PSMD4: variants seen among roughly 807,000 people sequenced by gnomAD.
PSMD4 encodes the protein 26S proteasome non-ATPase regulatory subunit 4.
A neutral mutation model predicts 39.7 loss-of-function variants in PSMD4; 5 were observed. The ratio of observed to expected loss-of-function variants is 0.13; its 90% confidence interval spans 0.07 to 0.26. The LOEUF (loss-of-function observed/expected upper bound fraction) is 0.26. Ranked by LOEUF, PSMD4 falls within the 10% of genes least tolerant of loss-of-function variation. The pLI is 1.00. For missense variants in PSMD4, 272 were observed against 486.1 expected (o/e 0.56, Z 4.14); for synonymous variants, 143 against 174.6 (o/e 0.82, Z 1.43).
chr1:151,262,558 A>C, intron 2 of PSMD4: 1 of 451,002 alleles, frequency 2.2e-6, no homozygotes, highest in Non-Finnish European at 4.0e-6. Context: ...GTGAAATTTC[A>C]TAATATATTT....
chr1:151,256,883 G>A (rs903397372), intron 1 of PSMD4, among the ~76,000 whole-genome samples: 3 of 152,000 alleles, frequency 2.0e-5, no homozygotes, highest in Non-Finnish European at 4.4e-5. Context: ...CTTAGTAGCT[G>A]GGATTACAGG....
intron 1 of PSMD4, among the ~76,000 whole-genome samples, chr1:151,256,307 G>A (rs587681390): frequency 3.5e-5 from 5 of 142,736 alleles, no homozygotes; most frequent in African/African-American, 1.3e-4. Flanking sequence ...TGGCGCCACT[G>A]CACTCTAGCC....
In PSMD4 at chr1:151,254,766, G is replaced by A; in HGVS notation, c.-17G>A. The stretch of plus-strand genomic sequence containing the variant: ...GGCCGTCCCGGAGACCCGGTCGGGA[G>A]GGAGGAAGGTGGCAAGATGGTGTTG... On this transcript the variant is annotated 5_prime_UTR_variant, in exon 1 of 10. Transcript: ENST00000368884. The A allele has an allele frequency of 6.4e-7, 1 of 1,561,426 alleles. No homozygotes were observed. The highest frequency in any genetic ancestry group is 8.7e-7 in the Non-Finnish European group (1 of 1,154,138).
At chr1:151,265,718 C>A in intron 6 of PSMD4, 109 bp downstream of exon 6, 2 of 1,222,288 alleles carry the variant, frequency 1.6e-6, no homozygotes, top group South Asian at 1.4e-5. Context: ...CACTACCAAT[C>A]ACTCATTTTC....
At chr1:151,263,131 T>C (rs1303541551) in intron 2 of PSMD4, among the ~76,000 whole-genome samples, 1 of 152,204 alleles carries the variant, frequency 6.6e-6, no homozygotes, top group Non-Finnish European at 1.5e-5. Flanking sequence ...ACTTAATTAT[T>C]TCTGTGCTTG....
intron 1 of PSMD4, among the ~76,000 whole-genome samples, chr1:151,255,936 T>C (rs1693154902): frequency 6.6e-6 from 1 of 152,150 alleles, no homozygotes; most frequent in Non-Finnish European, 1.5e-5. Flanking sequence ...GTAATAGCCA[T>C]TCTGACTGGT....
chr1:151,264,443 C>A lies in PSMD4; in HGVS notation c.283-389C>A, dbSNP rs141418429. ...TCACCTGACGTCACGAGTTCGAGAC[C>A]AATCTGGCCAACGTGGTGAAACCCC... On this transcript the variant is annotated intron_variant, in intron 3 of 9. Coordinates refer to ENST00000368884, the MANE Select transcript of PSMD4 (RefSeq NM_002810.4). Among the ~76,000 whole-genome samples, 15 of 151,746 alleles carry A rather than the reference C, an allele frequency of 9.9e-5. No homozygotes were observed. The East Asian group carries it at 2.7e-3, about 27-fold the overall frequency.
intron 9 of PSMD4, chr1:151,266,853 A>C: frequency 7.0e-6 from 5 of 718,734 alleles, no homozygotes; most frequent in Non-Finnish European, 7.6e-6. Context: ...AGGAGGGAAA[A>C]AAGCGGGTCT....
intron 1 of PSMD4, among the ~76,000 whole-genome samples, chr1:151,259,899 C>A (rs1029855601): frequency 6.6e-6 from 1 of 151,162 alleles, no homozygotes; most frequent in Non-Finnish European, 1.5e-5. Flanking sequence ...AGATAAAATT[C>A]TAAAAAGAAG....
In PSMD4 at chr1:151,266,329, AGAT is replaced by A. The variant is rs765673910; in HGVS notation, c.788_790del (p.Met263del). On this transcript the variant is annotated inframe_deletion, in exon 8 of 10. Transcript: ENST00000368884. ...CCAGACTCAGACGATGCCCTGCTGAAGATGACCATCAGCCAGCAAGAGTTTGGC... is the reference window on the plus strand; with the variant it reads ...CCAGACTCAGACGATGCCCTGCTGAAGACCATCAGCCAGCAAGAGTTTGGC... 4 of 1,614,246 alleles carry A rather than the reference AGAT, an allele frequency of 2.5e-6. No homozygotes were observed. Among genetic ancestry groups the A allele is most frequent in the Non-Finnish European group, 3.4e-6 (4 of 1,180,040 alleles).
At chr1:151,265,666 C>A in intron 6 of PSMD4, 57 bp downstream of exon 6, 1 of 1,521,172 alleles carries the variant, frequency 6.6e-7, no homozygotes, top group South Asian at 1.1e-5. Context: ...TCTCTTCTGG[C>A]ACACACATCA....
At position 151,263,954 on chromosome 1, in the gene PSMD4, C is replaced by T. The variant is rs1488078029; in HGVS notation, c.208C>T (p.Arg70Cys). The change falls in exon 3 of 10, where the codon CGT becomes TGT. Residue 70 changes from arginine (R) to cysteine (C), a missense_variant. Coordinates refer to ENST00000368884, the MANE Select transcript of PSMD4 (RefSeq NM_002810.4). ...VLTTLTPDTGRILSKLHTVQP... is the reference protein window; with the variant it reads ...VLTTLTPDTGCILSKLHTVQP... ...GACCACACTCACCCCAGACACTGGC[C>T]GTATCCTGTCCAAGCTACATACTGT... 25 of 1,601,142 alleles carry T rather than the reference C, an allele frequency of 1.6e-5. No individual in the cohort carries two copies. Among genetic ancestry groups the T allele is most frequent in the African/African-American group, 2.7e-5 (2 of 74,616 alleles).
chr1:151,256,433 C>CT lies in PSMD4; in HGVS notation c.26+1641dup, dbSNP rs1296037370. ...GATGTCTGTTCATGTCCTTTGCCCA[C>CT]TTTTTTTTTTTTTTTTCTCTTTGAG... On this transcript the variant is annotated intron_variant, in intron 1 of 9. Transcript: ENST00000368884. 8.6e-3 allele frequency among the ~76,000 whole-genome samples: 1,195 copies of CT among 138,930 alleles called. 18 individuals are homozygous for CT. Among genetic ancestry groups the CT allele is most frequent in the African/African-American group, 0.024 (900 of 38,222 alleles). The allele number at this position is 138,930 out of a possible 152,430, so 91.1% of individuals were successfully genotyped here. A position where few individuals can be genotyped will look rare whatever the true frequency, so the allele number is the denominator to read the frequency against.
intron 2 of PSMD4, chr1:151,262,708 A>G (rs1693341853): frequency 5.3e-6 from 1 of 189,642 alleles, no homozygotes; most frequent in Non-Finnish European, 1.1e-5. Flanking sequence ...GGTGGTGGCT[A>G]CCTGTAATAC....
At position 151,266,502 on chromosome 1, in the gene PSMD4, C is replaced by T; in HGVS notation, c.896-18C>T. On this transcript the variant is annotated intron_variant, in intron 8 of 9. Transcript: ENST00000368884. The stretch of plus-strand genomic sequence containing the variant: ...GGGTGAGGAAGTGTAACTGAACAGA[C>T]TGACCTCTCTTCCTCAGAGTTTGGC... 6.2e-7 allele frequency: 1 copy of T among 1,614,224 alleles called. No individual in the cohort carries two copies. Among genetic ancestry groups the T allele is most frequent in the Non-Finnish European group, 8.5e-7 (1 of 1,180,042 alleles).
chr1:151,261,239 A>G (rs1198503370), intron 1 of PSMD4, among the ~76,000 whole-genome samples: 2 of 147,562 alleles, frequency 1.4e-5, no homozygotes, highest in African/African-American at 2.5e-5. Context: ...CTGGAGTACA[A>G]TGGTGTGATC....
chr1:151,256,086 G>T (rs1178157497), intron 1 of PSMD4, among the ~76,000 whole-genome samples: 1 of 151,518 alleles, frequency 6.6e-6, no homozygotes, highest in Non-Finnish European at 1.5e-5. Flanking sequence ...GCTCAGGCCT[G>T]TAATCCCAGC....
Position 151,263,837 on chromosome 1 carries a change from A to G in PSMD4, c.168-77A>G. The G allele has an allele frequency of 5.7e-6, 6 of 1,059,732 alleles. No individual in the cohort carries two copies. The South Asian group carries it at 9.2e-5, about 16-fold the overall frequency. The allele number at this position is 1,059,732 out of a possible 1,614,324, so 65.6% of individuals were successfully genotyped here. ...AGAGTGAGACTCCGTCTAAAAAATA[A>G]ATAAATAAAAGTTAGACACAGTTTA... is the stretch of plus-strand genomic sequence containing the variant. On this transcript the variant is annotated intron_variant, in intron 2 of 9. Coordinates refer to ENST00000368884, the MANE Select transcript of PSMD4 (RefSeq NM_002810.4).
At chr1:151,266,227 G>GC in intron 7 of PSMD4, 81 bp from the exon 8 acceptor site, 1 of 1,602,282 alleles carries the variant, frequency 6.2e-7, no homozygotes, top group Non-Finnish European at 8.5e-7. Flanking sequence ...ATGTGGGAGG[G>GC]CTGGGCTAGG....
Sources: allele counts gnomAD v4.1 joint callset (sites outside exome capture counted in the v4.1 genomes callset), GRCh38; gene constraint gnomAD v4.1.1; transcripts MANE v1.5; gene names NCBI Gene and HGNC (gene_info 2026-07-23, HGNC 2026-07-21).